PPP1CC: variants seen among roughly 807,000 people sequenced by gnomAD.
The protein encoded by PPP1CC is protein phosphatase 1 catalytic subunit gamma.
Under a neutral mutation model 38.4 loss-of-function variants are expected in PPP1CC, and 16 were observed. That is an observed-to-expected ratio of 0.42 (90% CI 0.28 to 0.63). The LOEUF (loss-of-function observed/expected upper bound fraction) is 0.63, where lower values mean the gene tolerates loss of function less well. PPP1CC is among the 30% of genes least tolerant of loss of function. The probability of loss-of-function intolerance (pLI) is 0.25; values close to 1 mark genes in which losing one functional copy is unlikely to be tolerated. For synonymous variants in PPP1CC, 158 were observed against 136.0 expected (o/e 1.16, Z -1.13); for missense variants, 170 against 391.3 (o/e 0.43, Z 4.77).
rs982018119 is a variant in PPP1CC, at chr12:110,742,879, G to A, written c.-172C>T. 1.9e-5 allele frequency: 8 copies of A among 429,010 alleles called. No individual in the cohort carries two copies. Among genetic ancestry groups the A allele is most frequent in the Admixed American group, 4.4e-5 (1 of 22,528 alleles). The allele number at this position is 429,010 out of a possible 1,614,324, so 26.6% of individuals were successfully genotyped here. A position where few individuals can be genotyped will look rare whatever the true frequency, so the allele number is the denominator to read the frequency against. ...CTACTTCCTCCTTCTCTCCCCACTG[G>A]AACCACGAGAAGAACAAAATGGCCG... On this transcript the variant is annotated 5_prime_UTR_variant, in exon 1 of 7. Coordinates refer to ENST00000335007, the MANE Select transcript of PPP1CC (RefSeq NM_002710.4).
chr12:110,725,290 A>T (rs1027687780), intron 3 of PPP1CC: 1 of 152,276 alleles, frequency 6.6e-6, no homozygotes, highest in Non-Finnish European at 1.5e-5. Flanking sequence ...CTAGTCCCCT[A>T]CTTCTGAATT....
intron 1 of PPP1CC, among the ~76,000 whole-genome samples, chr12:110,741,629 C>G (rs1013441149): frequency 6.6e-6 from 1 of 152,178 alleles, no homozygotes; most frequent in Non-Finnish European, 1.5e-5. Context: ...TTAAAGCTTT[C>G]TATTAACCTT....
intron 1 of PPP1CC, among the ~76,000 whole-genome samples, chr12:110,739,548 T>C (rs2069989051): frequency 6.6e-6 from 1 of 152,206 alleles, no homozygotes; most frequent in African/African-American, 2.4e-5. Flanking sequence ...GAACACTCCC[T>C]ACCTTCAGAA....
chr12:110,740,780 G>C (rs1281804663), intron 1 of PPP1CC, among the ~76,000 whole-genome samples: 2 of 152,160 alleles, frequency 1.3e-5, no homozygotes, highest in Non-Finnish European at 2.9e-5. Context: ...ATTAACAAAA[G>C]CTGTTTATGA....
At position 110,720,950 on chromosome 12, in the gene PPP1CC, T is replaced by C. The variant is rs960787693; in HGVS notation, c.*126A>G. 18 of 699,292 alleles carry C rather than the reference T, an allele frequency of 2.6e-5. No homozygotes were observed. In the South Asian group the frequency reaches 3.7e-4, roughly 14 times the overall value. The allele number at this position is 699,292 out of a possible 1,614,324, so 43.3% of individuals were successfully genotyped here. On this transcript the variant is annotated 3_prime_UTR_variant, in exon 7 of 7. Coordinates refer to ENST00000335007, the MANE Select transcript of PPP1CC (RefSeq NM_002710.4). The stretch of plus-strand genomic sequence containing the variant: ...CAAATGCCATTCACTAAATCAAAAA[T>C]GGAAGGAAGGGCCCCCACAAACACA...
intron 1 of PPP1CC, among the ~76,000 whole-genome samples, chr12:110,741,365 C>T (rs1262575538): frequency 6.6e-6 from 1 of 152,136 alleles, no homozygotes; most frequent in African/African-American, 2.4e-5. Context: ...CATTTATAGT[C>T]CAACAATATT....
At chr12:110,728,260 G>A (rs1042727819) in intron 3 of PPP1CC, among the ~76,000 whole-genome samples, 2 of 151,782 alleles carry the variant, frequency 1.3e-5, no homozygotes, top group Admixed American at 6.6e-5. Flanking sequence ...TTAGCCGGGC[G>A]TAGTGGCGGG....
chr12:110,731,676 A>G, intron 2 of PPP1CC, 94 bp downstream of exon 2: 2 of 1,385,290 alleles, frequency 1.4e-6, no homozygotes, highest in Non-Finnish European at 2.0e-6. Flanking sequence ...CAAACAGGAT[A>G]ATCATTCTGC....
chr12:110,714,354 G>A, the PPP1CC span, among the ~76,000 whole-genome samples: 1 of 152,014 alleles, frequency 6.6e-6, no homozygotes, highest in Admixed American at 6.6e-5. Flanking sequence ...ACCAATCTAA[G>A]CCAAGCTAGT....
At chr12:110,723,616 C>T (rs2069763441) in intron 4 of PPP1CC, among the ~76,000 whole-genome samples, 1 of 152,126 alleles carries the variant, frequency 6.6e-6, no homozygotes, top group African/African-American at 2.4e-5. Context: ...TTCAAGCGAT[C>T]CTCCCGCCTC....
At chr12:110,708,635 G>A in the PPP1CC span, among the ~76,000 whole-genome samples, 1 of 151,980 alleles carries the variant, frequency 6.6e-6, no homozygotes, top group South Asian at 2.1e-4. Flanking sequence ...GATTACTTGA[G>A]GTCAGGAGCT....
the PPP1CC span, among the ~76,000 whole-genome samples, chr12:110,709,140 A>G: frequency 2.0e-5 from 3 of 152,288 alleles, no homozygotes; most frequent in African/African-American, 7.2e-5. Flanking sequence ...ACAAAAACAC[A>G]CAAATGATAG....
intron 1 of PPP1CC, among the ~76,000 whole-genome samples, chr12:110,737,425 A>G (rs868166275): frequency 3.6e-5 from 5 of 139,480 alleles, no homozygotes; most frequent in Middle Eastern, 4.0e-3. Flanking sequence ...TGGAGGCAGC[A>G]GTGGGCCGAG....
chr12:110,735,172 G>A (rs1035645339), intron 1 of PPP1CC, among the ~76,000 whole-genome samples: 4 of 151,232 alleles, frequency 2.6e-5, no homozygotes, highest in Non-Finnish European at 5.9e-5. Flanking sequence ...TCCTGCCTCA[G>A]CCTCCCAAGT....
the PPP1CC span, among the ~76,000 whole-genome samples, chr12:110,713,145 T>A: frequency 4.6e-5 from 7 of 152,118 alleles, no homozygotes; most frequent in Admixed American, 3.3e-4. Flanking sequence ...CTTTCTTTTT[T>A]TTTTGGAGAT....
At chr12:110,724,805 T>TA (rs1393761962) in intron 3 of PPP1CC, 41 bp from the exon 4 acceptor site, 1 of 1,216,552 alleles carries the variant, frequency 8.2e-7, no homozygotes, top group African/African-American at 1.5e-5. Flanking sequence ...AAGAGAGTAT[T>TA]ACTGTTCCGT....
At chr12:110,730,999 A>G (rs1185747084) in intron 2 of PPP1CC, among the ~76,000 whole-genome samples, 1 of 152,216 alleles carries the variant, frequency 6.6e-6, no homozygotes, top group Non-Finnish European at 1.5e-5. Flanking sequence ...AAATTCAACT[A>G]TTAAGAATTT....
chr12:110,740,075 C>T (rs1184581808), intron 1 of PPP1CC, among the ~76,000 whole-genome samples: 1 of 152,186 alleles, frequency 6.6e-6, no homozygotes, highest in African/African-American at 2.4e-5. Flanking sequence ...AAGATCTAAA[C>T]CAACATGCTG....
At position 110,720,050 on chromosome 12, in the gene PPP1CC, CAGTA is replaced by C; in HGVS notation, c.*1022_*1025del. ...TGTGAGTTCTGTATAAACTGGTGGA[CAGTA>C]AGTTAGTTCCTTTGTTTTAACTTAT... On this transcript the variant is annotated 3_prime_UTR_variant, in exon 7 of 7. Transcript: ENST00000335007. The C allele has an allele frequency of 2.5e-6, 3 of 1,210,590 alleles. No homozygotes were observed. The highest frequency in any genetic ancestry group is 3.5e-6 in the Non-Finnish European group (3 of 863,472). The allele number at this position is 1,210,590 out of a possible 1,614,324, so 75.0% of individuals were successfully genotyped here.
Sources: allele counts gnomAD v4.1 joint callset (sites outside exome capture counted in the v4.1 genomes callset), GRCh38; gene constraint gnomAD v4.1.1; transcripts MANE v1.5; gene names NCBI Gene and HGNC (gene_info 2026-07-23, HGNC 2026-07-21).